Variants in TMEM108 observed in about 807,000 individuals in gnomAD.
TMEM108 encodes transmembrane protein 108.
TMEM108 carries 12 observed loss-of-function variants against 35.1 expected under a neutral mutation model. The observed-to-expected ratio is 0.34, with a 90% CI of 0.22 to 0.55. TMEM108 has a LOEUF of 0.55. Ranked by LOEUF, TMEM108 falls within the 20% of genes least tolerant of loss-of-function variation. The pLI, the probability that TMEM108 is intolerant of heterozygous loss-of-function variation, is 0.89. For synonymous variants in TMEM108, 287 were observed against 308.6 expected (o/e 0.93, Z 0.73); for missense variants, 680 against 753.3 (o/e 0.90, Z 1.14).
intron 4 of TMEM108, 74 bp downstream of exon 4, chr3:133,381,235 C>T (rs984385259): frequency 1.9e-5 from 28 of 1,469,652 alleles, no homozygotes; most frequent in Admixed American, 4.6e-5. Context: ...TCCTTTGTCC[C>T]TGATTTGGCA....
chr3:133,174,492 G>A (rs1029282074), intron 2 of TMEM108, among the ~76,000 whole-genome samples: 7 of 152,182 alleles, frequency 4.6e-5, no homozygotes, highest in Non-Finnish European at 8.8e-5. Context: ...CCAGAGGAAC[G>A]ATCAGGCAGC....
chr3:133,144,858 GAATAT>G (rs1944693859), intron 2 of TMEM108, among the ~76,000 whole-genome samples: 1 of 152,094 alleles, frequency 6.6e-6, no homozygotes. Flanking sequence ...TGTAGATTCT[GAATAT>G]TAGCCCTTTG....
chr3:133,165,561 T>G (rs1229823100), intron 2 of TMEM108, among the ~76,000 whole-genome samples: 1 of 152,242 alleles, frequency 6.6e-6, no homozygotes, highest in Non-Finnish European at 1.5e-5. Context: ...ATTTGCAGGT[T>G]TATGTGTGTT....
At chr3:133,057,485 A>ATC (rs1559818497) in intron 2 of TMEM108, among the ~76,000 whole-genome samples, 1 of 70,852 alleles carries the variant, frequency 1.4e-5, no homozygotes, top group Non-Finnish European at 3.0e-5. Flanking sequence ...ATATATATAT[A>ATC]TGTGGGTTTT....
chr3:133,363,701 C>A (rs956503216), intron 3 of TMEM108, among the ~76,000 whole-genome samples: 1 of 152,052 alleles, frequency 6.6e-6, no homozygotes, highest in Non-Finnish European at 1.5e-5. Context: ...CAACTGCTCC[C>A]GGCCTGTTAT....
At chr3:133,076,443 G>A (rs1448958338) in intron 2 of TMEM108, among the ~76,000 whole-genome samples, 4 of 152,108 alleles carry the variant, frequency 2.6e-5, no homozygotes, top group East Asian at 1.9e-4. Context: ...AGCCCAAGTC[G>A]CTTACTGCTT....
intron 2 of TMEM108, chr3:133,192,965 T>C (rs1945522914): frequency 6.6e-6 from 1 of 151,988 alleles, no homozygotes; most frequent in Non-Finnish European, 1.5e-5. Flanking sequence ...AAGAAGCCAG[T>C]AGCTTCAGCA....
At chr3:133,320,917 A>AT (rs1181215196) in intron 3 of TMEM108, among the ~76,000 whole-genome samples, 1 of 152,238 alleles carries the variant, frequency 6.6e-6, no homozygotes, top group Non-Finnish European at 1.5e-5. Context: ...TTGAGCAAAA[A>AT]CTAAGCTTCA....
At chr3:133,255,085 A>G (rs1946526727) in intron 3 of TMEM108, among the ~76,000 whole-genome samples, 1 of 152,176 alleles carries the variant, frequency 6.6e-6, no homozygotes, top group Non-Finnish European at 1.5e-5. Flanking sequence ...TTTCTAACCT[A>G]CCTTCAGAGT....
chr3:133,042,286 T>A (rs534906555), intron 1 of TMEM108, among the ~76,000 whole-genome samples: 1 of 152,314 alleles, frequency 6.6e-6, no homozygotes, highest in Non-Finnish European at 1.5e-5. Context: ...ATCCTATGGC[T>A]TAGGTTATTT....
In TMEM108 at chr3:133,227,518, A is replaced by G. The variant is rs186540956; in HGVS notation, c.-46-1748A>G. Among the ~76,000 whole-genome samples, 299 of 151,528 alleles carry G rather than the reference A, an allele frequency of 2.0e-3. 1 individual carries two copies. Among genetic ancestry groups the G allele is most frequent in the African/African-American group, 6.7e-3 (275 of 41,316 alleles). On this transcript the variant is annotated intron_variant, in intron 2 of 5. Coordinates refer to ENST00000321871, the MANE Select transcript of TMEM108 (RefSeq NM_023943.4). ...TAAGGAAGGCCTTTCTAACCATGGTAGAGTGTCTGTGAGGTAGGTAGAATT... is the reference window on the plus strand; with the variant it reads ...TAAGGAAGGCCTTTCTAACCATGGTGGAGTGTCTGTGAGGTAGGTAGAATT...
chr3:133,186,132 G>T (rs1370230143), intron 2 of TMEM108, among the ~76,000 whole-genome samples: 1 of 152,164 alleles, frequency 6.6e-6, no homozygotes, highest in African/African-American at 2.4e-5. Context: ...GTTATTTCCA[G>T]GCTGGGTGAT....
chr3:133,071,432 G>T (rs951569866), intron 2 of TMEM108, among the ~76,000 whole-genome samples: 4 of 152,134 alleles, frequency 2.6e-5, no homozygotes, highest in Non-Finnish European at 5.9e-5. Flanking sequence ...CCACTCTAAT[G>T]AAATCATTTT....
At chr3:133,315,780 A>C (rs567098784) in intron 3 of TMEM108, among the ~76,000 whole-genome samples, 4 of 152,344 alleles carry the variant, frequency 2.6e-5, no homozygotes, top group Admixed American at 2.6e-4. Context: ...ATTTAACCCA[A>C]CTTTGGCAAT....
intron 3 of TMEM108, among the ~76,000 whole-genome samples, chr3:133,365,984 G>C (rs574499539): frequency 6.6e-6 from 1 of 152,236 alleles, no homozygotes; most frequent in African/African-American, 2.4e-5. Context: ...AGAAGTGGGG[G>C]AGTATGAAAA....
intron 2 of TMEM108, among the ~76,000 whole-genome samples, chr3:133,133,823 G>A (rs959816271): frequency 1.3e-5 from 2 of 151,398 alleles, no homozygotes; most frequent in Non-Finnish European, 2.9e-5. Context: ...GAGTGCAGTG[G>A]CGCGATCTCG....
In TMEM108 at chr3:133,181,206, G is replaced by A. The variant is rs112558259; in HGVS notation, c.-46-48060G>A. Among the ~76,000 whole-genome samples the A allele has an allele frequency of 9.1e-4, 138 of 152,034 alleles. 1 individual carries two copies. Among genetic ancestry groups the A allele is most frequent in the South Asian group, 3.5e-3 (17 of 4,808 alleles). On this transcript the variant is annotated intron_variant, in intron 2 of 5. Coordinates refer to ENST00000321871, the MANE Select transcript of TMEM108 (RefSeq NM_023943.4). ...GGCAGCATAGGAAGGTGATAATTCC[G>A]TATCAGTAAAAGTATAGAGGAGGCT...
chr3:133,152,183 A>G (rs992201424), intron 2 of TMEM108, among the ~76,000 whole-genome samples: 1 of 152,190 alleles, frequency 6.6e-6, no homozygotes, highest in Non-Finnish European at 1.5e-5. Flanking sequence ...AAGGTATTTA[A>G]CTCTTCATTC....
chr3:133,104,845 C>G (rs1424860765), intron 2 of TMEM108, among the ~76,000 whole-genome samples: 1 of 152,286 alleles, frequency 6.6e-6, no homozygotes, highest in South Asian at 2.1e-4. Flanking sequence ...CCCTCAGGCC[C>G]CTGCTGGGTG....
Sources: gnomAD v4.1 joint callset for allele counts (sites outside exome capture counted in the v4.1 genomes callset) on GRCh38, gnomAD v4.1.1 for gene constraint, MANE v1.5 for transcripts, NCBI Gene and HGNC (gene_info 2026-07-23, HGNC 2026-07-21) for gene names.